The following MED13 variants were observed in gnomAD, a reference collection of about 807,000 sequenced individuals.
The protein encoded by MED13 is mediator complex subunit 13.
MED13 carries 23 observed loss-of-function variants against 225.2 expected under a neutral mutation model. The ratio of observed to expected loss-of-function variants is 0.10; its 90% CI spans 0.07 to 0.14. The LOEUF (loss-of-function observed/expected upper bound fraction) is 0.14, where lower values mean the gene tolerates loss of function less well. Ranked by LOEUF, MED13 falls within the 10% of genes least tolerant of loss-of-function variation. The pLI is 1.00. For synonymous variants in MED13, 942 were observed against 889.2 expected (o/e 1.06, Z -1.06); for missense variants, 2,197 against 2,594.5 (o/e 0.85, Z 3.33).
At chr17:62,012,937 C>T (rs374999546) in intron 8 of MED13, among the ~76,000 whole-genome samples, 7 of 151,944 alleles carry the variant, frequency 4.6e-5, no homozygotes, top group South Asian at 2.1e-4. Context: ...GAACTACAGG[C>T]GTGCACCACC....
intron 20 of MED13, among the ~76,000 whole-genome samples, 155 bp downstream of exon 20, chr17:61,964,851 A>G (rs910716572): frequency 5.9e-5 from 9 of 152,130 alleles, no homozygotes; most frequent in African/African-American, 2.2e-4. Flanking sequence ...GAGGAGAATC[A>G]CTTGAACTCG....
rs34451831 is a variant in MED13 at position 62,003,599 on chromosome 17, C to CAAAAAAAAAAAA, written c.1967+6939_1967+6950dup. The CAAAAAAAAAAAA allele has an allele frequency of 1.6e-3, 81 of 51,724 alleles. 1 individual carries two copies. The highest frequency in any genetic ancestry group is 4.2e-3 in the African/African-American group (52 of 12,482). The allele number at this position is 51,724 out of a possible 1,614,324, so 3.2% of individuals were successfully genotyped here. ...CAGCCTGAGCAACAACAGCAAAACTCAAAAAAAAAAAAAAAAAAAAAAGCA... is the reference window on the plus strand; with the variant it reads ...CAGCCTGAGCAACAACAGCAAAACTCAAAAAAAAAAAAAAAAAAAAAAAAAAAAAAAAAAGCA... On this transcript the variant is annotated intron_variant, in intron 9 of 29. Transcript: ENST00000397786.
At chr17:62,021,262 C>T (rs1483759423) in intron 8 of MED13, among the ~76,000 whole-genome samples, 3 of 149,446 alleles carry the variant, frequency 2.0e-5, no homozygotes, top group East Asian at 2.0e-4. Context: ...CCAGTAGGGG[C>T]GGCCGGGCAG....
chr17:61,974,195 C>T (rs1245734142), intron 16 of MED13, among the ~76,000 whole-genome samples: 2 of 151,922 alleles, frequency 1.3e-5, no homozygotes, highest in Admixed American at 6.6e-5. Context: ...TCAGACTGCT[C>T]GAGCTTAGGA....
In MED13 at chr17:61,962,762, A is replaced by G; in HGVS notation, c.5054T>C (p.Val1685Ala). Reference sequence around the variant, plus strand: ...ATCTATCACTCTTACCTGTACAGAAACAGTACTCTTGATATGAGGAGGAAG... The same window carrying G: ...ATCTATCACTCTTACCTGTACAGAAGCAGTACTCTTGATATGAGGAGGAAG... ...QTLPPHIKST[V>A]SVQIIPCQYL... Residue 1685 changes from valine (V) to alanine (A), a missense_variant, in exon 21 of 30, where the codon GTT becomes GCT. By Grantham distance (64) the Val-to-Ala change is moderately conservative (BLOSUM62 0). This residue lies in a region of MED13 where 457 missense variants were observed against 442.2 expected (regional missense o/e 1.03). Coordinates refer to ENST00000397786, the MANE Select transcript of MED13 (RefSeq NM_005121.3). The G allele has an allele frequency of 6.2e-7, 1 of 1,613,790 alleles. No homozygotes were observed.
At chr17:62,028,326 A>T (rs1313987038) in intron 8 of MED13, among the ~76,000 whole-genome samples, 1 of 152,146 alleles carries the variant, frequency 6.6e-6, no homozygotes, top group African/African-American at 2.4e-5. Flanking sequence ...CTCACCTATA[A>T]GTGGTAGCTA....
chr17:61,986,285 A>G (rs566952334), intron 12 of MED13, among the ~76,000 whole-genome samples: 85 of 152,320 alleles, frequency 5.6e-4, no homozygotes, highest in African/African-American at 1.8e-3. Flanking sequence ...ATAGAGATAT[A>G]TATGTTGAGA....
chr17:62,020,071 A>C (rs1395217242), intron 8 of MED13, among the ~76,000 whole-genome samples: 3 of 152,074 alleles, frequency 2.0e-5, no homozygotes, highest in East Asian at 3.9e-4. Context: ...GCTAGAACAC[A>C]ACCACATTGA....
chr17:61,979,805 C>T (rs2080187983), intron 16 of MED13, among the ~76,000 whole-genome samples: 1 of 152,142 alleles, frequency 6.6e-6, no homozygotes, highest in Admixed American at 6.5e-5. Context: ...ATCAAGGTGA[C>T]CACCAACTTC....
Position 61,956,351 on chromosome 17 carries a change from C to T in MED13, c.5611G>A (p.Gly1871Arg), listed in dbSNP as rs2079944044. 6.2e-7 allele frequency: 1 copy of T among 1,610,458 alleles called. No homozygotes were observed. Among genetic ancestry groups the T allele is most frequent in the South Asian group, 1.1e-5 (1 of 89,938 alleles). The change falls in exon 24 of 30, where the codon GGA (glycine) becomes AGA (arginine). Residue 1871 changes from glycine to arginine, a missense_variant. Physicochemically the swap from Gly to Arg is moderately radical, Grantham distance 125. Around this residue, in one of 12 missense-constraint regions of MED13, gnomAD observed 216 missense variants for 388.9 expected, o/e 0.56. Transcript: ENST00000397786. ...VIGRLGRIGH[G>R]ELKDWSCLLS... ...AGCACAATTTTACCTTTCAATTCTCCATGACCAATCCTTCCTAGACGACCA... is the reference window on the plus strand; with the variant it reads ...AGCACAATTTTACCTTTCAATTCTCTATGACCAATCCTTCCTAGACGACCA...
intron 3 of MED13, among the ~76,000 whole-genome samples, chr17:62,047,178 C>G (rs1259808461): frequency 6.6e-6 from 1 of 152,064 alleles, no homozygotes; most frequent in South Asian, 2.1e-4. Context: ...CGAGACCAGT[C>G]TGGCTAACAT....
chr17:62,021,390 C>T (rs374394914), intron 8 of MED13, among the ~76,000 whole-genome samples: 2 of 149,002 alleles, frequency 1.3e-5, no homozygotes, highest in East Asian at 2.0e-4. Context: ...ACCTCCCTCC[C>T]GGACGGGGCG....
At chr17:62,038,667 C>T (rs1464997561) in intron 3 of MED13, among the ~76,000 whole-genome samples, 1 of 152,010 alleles carries the variant, frequency 6.6e-6, no homozygotes, top group Non-Finnish European at 1.5e-5. Flanking sequence ...TGAGCACTTA[C>T]CCACTTCATT....
chr17:61,949,007 G>A (rs1402143141), intron 28 of MED13, among the ~76,000 whole-genome samples: 1 of 150,112 alleles, frequency 6.7e-6, no homozygotes, highest in East Asian at 2.0e-4. Flanking sequence ...AGAATGGCGT[G>A]AACCCGGGAG....
chr17:61,988,967 C>T (rs138653307), intron 11 of MED13, among the ~76,000 whole-genome samples: 279 of 152,182 alleles, frequency 1.8e-3, no homozygotes, highest in Middle Eastern at 6.8e-3. Flanking sequence ...TCCCCTACCC[C>T]CAGTCTCTGG....
At chr17:61,947,930 G>C (rs541967679) in intron 28 of MED13, among the ~76,000 whole-genome samples, 1 of 152,134 alleles carries the variant, frequency 6.6e-6, no homozygotes, top group South Asian at 2.1e-4. Flanking sequence ...TTTATATTTA[G>C]GTGTTCTCTC....
chr17:61,969,361 AC>A (rs1368952348), intron 17 of MED13, among the ~76,000 whole-genome samples: 87 of 149,568 alleles, frequency 5.8e-4, no homozygotes, highest in African/African-American at 2.0e-3. Flanking sequence ...TCAAAAACAA[AC>A]AAACAAAAAA....
intron 6 of MED13, chr17:62,030,232 G>A: frequency 2.4e-6 from 1 of 422,986 alleles, no homozygotes; most frequent in Non-Finnish European, 4.1e-6. Context: ...TCAGTACCAA[G>A]AGTGGGGTTC....
chr17:62,054,606 GT>G (rs1364004766), intron 2 of MED13, among the ~76,000 whole-genome samples: 1 of 152,104 alleles, frequency 6.6e-6, no homozygotes, highest in African/African-American at 2.4e-5. Flanking sequence ...ATATTTGTGA[GT>G]TGATGACAAA....
Sources: gnomAD v4.1 joint callset for allele counts (sites outside exome capture counted in the v4.1 genomes callset) on GRCh38, gnomAD v4.1.1 for gene constraint, gnomAD v4.1.1 regional missense constraint, MANE v1.5 for transcripts, NCBI Gene and HGNC (gene_info 2026-07-23, HGNC 2026-07-21) for gene names.